The following INF2 variants were observed in gnomAD, a reference collection of about 807,000 sequenced individuals.
INF2 encodes the protein inverted formin 2.
Under a neutral mutation model 123.5 loss-of-function variants are expected in INF2, and 43 were observed. The ratio of observed to expected loss-of-function variants is 0.35; its 90% CI spans 0.27 to 0.45. INF2 has a LOEUF of 0.45. Among genes scored for constraint, INF2 ranks in the 20% least tolerant of loss-of-function variants. The pLI, the probability that INF2 is intolerant of heterozygous loss-of-function variation, is 1.00. For synonymous variants in INF2, 851 were observed against 745.0 expected (o/e 1.14, Z -2.32); for missense variants, 1,453 against 1,682.7 (o/e 0.86, Z 2.39).
chr14:104,719,166 G>T lies in INF2; in HGVS notation c.*373G>T, dbSNP rs920371741. ...TCTGCCTGCCCTTCAGCCCAGCAAGGTTTAATCAAAATGCAATGCTTTGCA... is the reference window on the plus strand; with the variant it reads ...TCTGCCTGCCCTTCAGCCCAGCAAGTTTTAATCAAAATGCAATGCTTTGCA... On this transcript the variant is annotated 3_prime_UTR_variant, in exon 23 of 23. Transcript: ENST00000392634. The T allele has an allele frequency of 2.2e-5, 7 of 318,370 alleles. No homozygotes were observed. The East Asian group carries it at 3.4e-4, about 16-fold the overall frequency. 19.7% of individuals were successfully genotyped at this position (318,370 alleles called of 1,614,324 possible). A position where few individuals can be genotyped will look rare whatever the true frequency, so the allele number is the denominator to read the frequency against.
Position 104,719,769 on chromosome 14 carries a change from G to T in INF2, c.*976G>T. 1 of 152,278 alleles carries T rather than the reference G, an allele frequency of 6.6e-6. No individual in the cohort carries two copies. The highest frequency in any genetic ancestry group is 1.5e-5 in the Non-Finnish European group (1 of 68,038). 9.4% of individuals were successfully genotyped at this position (152,278 alleles called of 1,614,324 possible). A position where few individuals can be genotyped will look rare whatever the true frequency, so the allele number is the denominator to read the frequency against. ...TGTTGAGGGGTCCCTGGGCCCCCAG[G>T]CACCGTGTGAGCATTCACTGTTGAG... On this transcript the variant is annotated 3_prime_UTR_variant, in exon 23 of 23. Transcript: ENST00000392634.
rs980354343 is a variant in INF2 at position 104,699,274 on chromosome 14, C to T, written c.-9-2083C>T. On this transcript the variant is annotated intron_variant, in intron 1 of 22. Coordinates refer to ENST00000392634, the MANE Select transcript of INF2 (RefSeq NM_022489.4). The surrounding 1 kb of genome is among the most constrained non-coding windows in gnomAD (Gnocchi z 4.7). ...GGGAGAGTTCATAACTCCGTCCACT[C>T]AGCCTGTGCCAAGGGGACAGGGACT... 1 of 442,290 alleles carries T rather than the reference C, an allele frequency of 2.3e-6. No homozygotes were observed. Among genetic ancestry groups the T allele is most frequent in the Non-Finnish European group, 3.0e-6 (1 of 333,846 alleles). The allele number at this position is 442,290 out of a possible 1,614,324, so 27.4% of individuals were successfully genotyped here.
In INF2 at chr14:104,711,817, G is replaced by T. The variant is rs916842976; in HGVS notation, c.2489+118G>T. On this transcript the variant is annotated intron_variant, in intron 16 of 22. Coordinates refer to ENST00000392634, the MANE Select transcript of INF2 (RefSeq NM_022489.4). The stretch of plus-strand genomic sequence containing the variant: ...CTCACAGCTGCAGCGCAGCCCCGGC[G>T]CCACGGAGCCCTGCCCAATAGAACA... 4.7e-6 allele frequency: 4 copies of T among 852,120 alleles called. No homozygotes were observed. The African/African-American group carries it at 5.1e-5, about 11-fold the overall frequency. The allele number at this position is 852,120 out of a possible 1,614,324, so 52.8% of individuals were successfully genotyped here.
intron 10 of INF2, 34 bp downstream of exon 10, chr14:104,708,766 C>G (rs180945382): frequency 6.2e-7 from 1 of 1,606,506 alleles, no homozygotes; most frequent in Non-Finnish European, 8.5e-7. Context: ...TCCCAGGCCA[C>G]GGAGCCTCGC....
chr14:104,703,135 A>G lies in INF2; in HGVS notation c.422A>G (p.Lys141Arg). ...ALDTSNVMVK[K>R]QVFELLAALC... ...GACACATCCAACGTGATGGTGAAGA[A>G]GCAGGTGTTTGAGCTACTGGCTGCC... is the stretch of plus-strand genomic sequence containing the variant. Residue 141 changes from lysine to arginine, a missense_variant, in exon 3 of 23, where the codon AAG (lysine) becomes AGG (arginine). Physicochemically the swap from Lys to Arg is conservative, Grantham distance 26. This residue lies in a region of INF2 where 251 missense variants were observed against 349.4 expected (regional missense o/e 0.72). Transcript: ENST00000392634. The G allele has an allele frequency of 1.2e-6, 2 of 1,613,710 alleles. No homozygotes were observed. Among genetic ancestry groups the G allele is most frequent in the Non-Finnish European group, 1.7e-6 (2 of 1,179,940 alleles).
At chr14:104,687,477 CAT>C (rs1344499015), upstream of INF2, among the ~76,000 whole-genome samples, 179 of 105,506 alleles carry the variant, frequency 1.7e-3, 3 homozygotes, top group South Asian at 0.027. The surrounding 1 kb of genome is among the most constrained non-coding windows in gnomAD (Gnocchi z 5.6). Context: ...CACACACACA[CAT>C]ACACACACAC....
intron 22 of INF2, chr14:104,716,113 C>T (rs1258659753): frequency 2.7e-6 from 1 of 364,670 alleles, no homozygotes; most frequent in Non-Finnish European, 5.5e-6. Context: ...CCAGAAGGTC[C>T]AGCCCGGCCG....
chr14:104,716,020 C>A, intron 22 of INF2: 1 of 451,166 alleles, frequency 2.2e-6, no homozygotes, highest in Non-Finnish European at 4.5e-6. Context: ...TCAGCCAGGT[C>A]CGTCCACAGG....
intron 1 of INF2, chr14:104,681,715 G>A: frequency 1.4e-6 from 1 of 695,356 alleles, no homozygotes. Flanking sequence ...GCAGCACGCT[G>A]GTGCAGAGCC....
intron 1 of INF2, among the ~76,000 whole-genome samples, chr14:104,682,373 C>A (rs1416190237): frequency 6.6e-6 from 1 of 152,186 alleles, no homozygotes; most frequent in Non-Finnish European, 1.5e-5. Flanking sequence ...CAAATGGATT[C>A]CTTTCCATGA....
intron 1 of INF2, among the ~76,000 whole-genome samples, chr14:104,697,237 G>A (rs960844096): frequency 1.3e-5 from 2 of 152,238 alleles, no homozygotes; most frequent in South Asian, 2.1e-4. Context: ...ACACTGTGCT[G>A]TGGAAGGCCC....
chr14:104,695,140 C>G (rs1215933194), intron 1 of INF2, among the ~76,000 whole-genome samples: 2 of 152,116 alleles, frequency 1.3e-5, no homozygotes, highest in Non-Finnish European at 2.9e-5. Flanking sequence ...CTGCAGGGTA[C>G]GTCTGGGGCC....
At chr14:104,687,477 C>T (rs868615693), upstream of INF2, among the ~76,000 whole-genome samples, 7 of 105,420 alleles carry the variant, frequency 6.6e-5, no homozygotes, top group Admixed American at 1.8e-4. This position sits in a 1 kb window ranked among gnomAD's most constrained non-coding sequence, Gnocchi z 5.6. Flanking sequence ...CACACACACA[C>T]ATACACACAC....
intron 1 of INF2, among the ~76,000 whole-genome samples, chr14:104,695,608 G>C (rs1192577644): frequency 6.6e-6 from 1 of 151,830 alleles, no homozygotes; most frequent in African/African-American, 2.4e-5. Context: ...CCTCCTCCCA[G>C]TGAGCCGGGG....
intron 1 of INF2, among the ~76,000 whole-genome samples, chr14:104,701,150 G>A (rs764700805): frequency 1.3e-5 from 2 of 152,144 alleles, no homozygotes; most frequent in Non-Finnish European, 2.9e-5. Context: ...CTGCCGCCTC[G>A]GTTGCTGAAA....
rs1406727626 is a variant in INF2 at position 104,689,618 on chromosome 14, G to T, written c.-131G>T. The T allele has an allele frequency of 1.1e-5, 3 of 283,958 alleles. No homozygotes were observed. The highest frequency in any genetic ancestry group is 3.1e-4 in the South Asian group (2 of 6,432). The allele number at this position is 283,958 out of a possible 1,614,324, so 17.6% of individuals were successfully genotyped here. ...CGCCCGCCCCGCCCGCCCCGCGCCC[G>T]CCAGGAGCCACCGTCCGAGCCTTGC... On this transcript the variant is annotated 5_prime_UTR_variant, in exon 1 of 23. Transcript: ENST00000392634.
rs1889858417 is a variant in INF2 at position 104,707,820 on chromosome 14, C to T, written c.1553C>T (p.Pro518Leu). The change falls in exon 8 of 23, where the codon CCA becomes CTA. Residue 518 changes from proline to leucine, a missense_variant. Pro to Leu is a moderately conservative substitution (Grantham distance 98, BLOSUM62 -3). Transcript: ENST00000392634. ...PGMGWGPPPP[P>L]PPLLPCTCSP... ...ATGGGCTGGGGCCCTCCTCCACCCCCACCTCCACTACTGCCCTGCACCTGC... is the reference window on the plus strand; with the variant it reads ...ATGGGCTGGGGCCCTCCTCCACCCCTACCTCCACTACTGCCCTGCACCTGC... The T allele has an allele frequency of 6.3e-7, 1 of 1,575,598 alleles. No homozygotes were observed. Among genetic ancestry groups the T allele is most frequent in the African/African-American group, 1.4e-5 (1 of 73,926 alleles).
chr14:104,708,672 T>G lies in INF2; in HGVS notation c.1889T>G (p.Ile630Ser). The G allele has an allele frequency of 6.2e-7, 1 of 1,612,930 alleles. No individual in the cohort carries two copies. The highest frequency in any genetic ancestry group is 8.5e-7 in the Non-Finnish European group (1 of 1,179,832). The change falls in exon 10 of 23, where the codon ATC (isoleucine) becomes AGC (serine). Residue 630 changes from isoleucine to serine, a missense_variant and splice_region_variant. This residue lies in a region of INF2 where 192 missense variants were observed against 274.4 expected (regional missense o/e 0.70). Coordinates refer to ENST00000392634, the MANE Select transcript of INF2 (RefSeq NM_022489.4). ...APRARKEPKE[I>S]TFLDAKKSLN... ...CCTGTTGGGTGGGGGGTTTTCTAGA[T>G]CACTTTCCTCGATGCCAAGAAGAGC... is the stretch of plus-strand genomic sequence containing the variant.
chr14:104,697,521 C>A (rs922082148), intron 1 of INF2, among the ~76,000 whole-genome samples: 2 of 152,266 alleles, frequency 1.3e-5, no homozygotes, highest in Non-Finnish European at 2.9e-5. Context: ...GCCAGCATGG[C>A]CCTGTCCCCA....
Sources: allele counts gnomAD v4.1 joint callset (sites outside exome capture counted in the v4.1 genomes callset), GRCh38; gene constraint gnomAD v4.1.1; regional missense constraint gnomAD v4.1.1; non-coding constraint Gnocchi (gnomAD v3.1); transcripts MANE v1.5; gene names NCBI Gene and HGNC (gene_info 2026-07-23, HGNC 2026-07-21).